The following ZFHX3 variants were observed in gnomAD, a reference collection of about 807,000 sequenced individuals.
ZFHX3 encodes the protein zinc finger homeobox 3, also known as zinc finger homeobox protein 3.
ZFHX3 carries 42 observed loss-of-function variants against 279.1 expected under a neutral mutation model. That is an observed-to-expected ratio of 0.15 (90% CI 0.12 to 0.19). The LOEUF is 0.19. Among genes scored for constraint, ZFHX3 ranks in the 10% least tolerant of loss-of-function variants. The pLI is 1.00. For missense variants in ZFHX3, 4,981 were observed against 4,754.0 expected, an observed-to-expected ratio of 1.05 and a Z score of -1.40; for synonymous variants, 2,293 against 1,957.8, an observed-to-expected ratio of 1.17 and a Z score of -4.52.
chr16:73,393,560 C>A (rs538788098), intron 3 of ZFHX3, among the ~76,000 whole-genome samples: 1 of 152,320 alleles, frequency 6.6e-6, no homozygotes, highest in African/African-American at 2.4e-5. Flanking sequence ...TTCAAAGTCG[C>A]TGGCGAGAAA....
chr16:73,404,119 T>C (rs1415273488), intron 3 of ZFHX3, among the ~76,000 whole-genome samples: 1 of 152,152 alleles, frequency 6.6e-6, no homozygotes, highest in Non-Finnish European at 1.5e-5. Flanking sequence ...GCTCTGCCTG[T>C]CTGGGTTAGC....
chr16:73,020,621 C>T (rs1382199872), intron 1 of ZFHX3, among the ~76,000 whole-genome samples: 3 of 152,142 alleles, frequency 2.0e-5, no homozygotes, highest in African/African-American at 7.2e-5. Flanking sequence ...CAATAGTCAT[C>T]GAAACTGAAA....
intron 1 of ZFHX3, among the ~76,000 whole-genome samples, chr16:73,693,862 A>T (rs1420197118): frequency 6.6e-6 from 1 of 152,102 alleles, no homozygotes; most frequent in Non-Finnish European, 1.5e-5. Flanking sequence ...ATTATCAAAC[A>T]CCTACAAATG....
chr16:72,884,772 G>A (rs2038580282), intron 4 of ZFHX3, among the ~76,000 whole-genome samples: 1 of 152,160 alleles, frequency 6.6e-6, no homozygotes, highest in African/African-American at 2.4e-5. Flanking sequence ...CAGGGAAGCT[G>A]ATCCTACACA....
chr16:73,618,355 G>C (rs959224012), intron 2 of ZFHX3, among the ~76,000 whole-genome samples: 3 of 152,112 alleles, frequency 2.0e-5, no homozygotes, highest in African/African-American at 4.8e-5. Context: ...TAAGATTCAG[G>C]AGATCTTCTG....
intron 3 of ZFHX3, among the ~76,000 whole-genome samples, chr16:72,933,793 A>G (rs1226194250): frequency 6.7e-6 from 1 of 149,512 alleles, no homozygotes; most frequent in Non-Finnish European, 1.5e-5. Flanking sequence ...GTTATTATGA[A>G]ATGTTTAGCT....
At chr16:73,072,138 C>T (rs961019046) in intron 8 of ZFHX3, among the ~76,000 whole-genome samples, 2 of 152,176 alleles carry the variant, frequency 1.3e-5, no homozygotes. Flanking sequence ...GGTATGTTCA[C>T]CACTGGGTTG....
At position 72,783,826 on chromosome 16, in the gene ZFHX3, A is replaced by C. The variant is rs2035228634; in HGVS notation, c.*3338T>G. The C allele has an allele frequency of 1.3e-5, 2 of 152,244 alleles. No homozygotes were observed. The highest frequency in any genetic ancestry group is 6.5e-5 in the Admixed American group (1 of 15,286). The allele number at this position is 152,244 out of a possible 1,614,324, so 9.4% of individuals were successfully genotyped here. On this transcript the variant is annotated 3_prime_UTR_variant, in exon 10 of 10. Coordinates refer to ENST00000268489, the MANE Select transcript of ZFHX3 (RefSeq NM_006885.4). ...ACCTACAATGCAGCAGACAGGAATA[A>C]ATTCCCCAAGTGAGATAAAGCTAAA...
chr16:72,813,958 C>G (rs959117059), intron 5 of ZFHX3, among the ~76,000 whole-genome samples: 1 of 152,192 alleles, frequency 6.6e-6, no homozygotes, highest in East Asian at 1.9e-4. Flanking sequence ...GTTTCAGGAA[C>G]TTAAGTTCCC....
intron 5 of ZFHX3, among the ~76,000 whole-genome samples, chr16:73,184,039 G>C (rs574041500): frequency 1.3e-5 from 2 of 152,168 alleles, no homozygotes; most frequent in African/African-American, 2.4e-5. Flanking sequence ...CTAAAGAAGA[G>C]GCCTGGTCTG....
Position 73,115,194 on chromosome 16 carries a change from G to C in ZFHX3, c.-897+15774C>G. 1.3e-5 allele frequency among the ~76,000 whole-genome samples: 2 copies of C among 151,976 alleles called. 1 individual carries two copies. Among genetic ancestry groups the C allele is most frequent in the Middle Eastern group, 6.8e-3 (2 of 294 alleles). On this transcript the variant is annotated intron_variant, in intron 7 of 17. Transcript: ENST00000641206. ...AGACGCTGCTGAGTTGGTGCCTTGC[G>C]GGAGACCATTAAGTCCGACTCCAGG...
chr16:73,371,123 A>G (rs868149388), intron 3 of ZFHX3, among the ~76,000 whole-genome samples: 3 of 151,948 alleles, frequency 2.0e-5, no homozygotes, highest in South Asian at 2.1e-4. Flanking sequence ...GGAGTTCAAG[A>G]CCAGCCTGGC....
In ZFHX3 at chr16:73,844,507, A is replaced by G. The variant is rs191336386; in HGVS notation, c.-1608+47144T>C. On this transcript the variant is annotated intron_variant, in intron 1 of 17. Coordinates refer to the ZFHX3 transcript ENST00000641206. ...GAATTATTCTAAATGCTAAATATACATCACTTAATCCTTATAACAGTCTTC... is the reference window on the plus strand; with the variant it reads ...GAATTATTCTAAATGCTAAATATACGTCACTTAATCCTTATAACAGTCTTC... Among the ~76,000 whole-genome samples, 18 of 152,294 alleles carry G rather than the reference A, an allele frequency of 1.2e-4. No homozygotes were observed. The East Asian group carries it at 2.9e-3, about 25-fold the overall frequency.
At chr16:73,433,545 C>T (rs963724187) in intron 3 of ZFHX3, among the ~76,000 whole-genome samples, 1 of 152,158 alleles carries the variant, frequency 6.6e-6, no homozygotes, top group African/African-American at 2.4e-5. Flanking sequence ...CTCCTGGCAA[C>T]CGACGCCCAC....
At chr16:73,150,040 T>C (rs555167078) in intron 5 of ZFHX3, among the ~76,000 whole-genome samples, 5 of 152,302 alleles carry the variant, frequency 3.3e-5, no homozygotes, top group Admixed American at 1.3e-4. Flanking sequence ...TTTCCAAAGA[T>C]GACATTCAAT....
At chr16:72,821,157 T>G (rs925945364) in intron 5 of ZFHX3, among the ~76,000 whole-genome samples, 1 of 152,216 alleles carries the variant, frequency 6.6e-6, no homozygotes, top group Non-Finnish European at 1.5e-5. Flanking sequence ...ATATAACTTA[T>G]CAGAACCTTA....
intron 8 of ZFHX3, among the ~76,000 whole-genome samples, chr16:73,091,990 T>C (rs1335813275): frequency 6.6e-6 from 1 of 152,216 alleles, no homozygotes; most frequent in East Asian, 1.9e-4. Context: ...TCAGAGAAAG[T>C]GCTTTTAAGT....
chr16:73,860,077 C>T (rs1036946591), intron 1 of ZFHX3, among the ~76,000 whole-genome samples: 3 of 152,150 alleles, frequency 2.0e-5, no homozygotes, highest in African/African-American at 7.2e-5. Context: ...TGATCATTGC[C>T]GGATGTGAAC....
chr16:73,867,764 T>C (rs1393527541), intron 1 of ZFHX3, among the ~76,000 whole-genome samples: 3 of 152,140 alleles, frequency 2.0e-5, no homozygotes, highest in Admixed American at 2.0e-4. Flanking sequence ...TCCCCTCCAT[T>C]AGGTTAGGCT....
Sources: gnomAD v4.1 joint callset for allele counts (sites outside exome capture counted in the v4.1 genomes callset) on GRCh38, gnomAD v4.1.1 for gene constraint, MANE v1.5 for transcripts, NCBI Gene and HGNC (gene_info 2026-07-23, HGNC 2026-07-21) for gene names.